Variants in RIN3 observed in about 807,000 individuals in gnomAD.
The protein encoded by RIN3 is Ras and Rab interactor 3, also known as RAB5 interacting protein 3.
RIN3 carries 54 observed loss-of-function variants against 76.3 expected under a neutral mutation model. The ratio of observed to expected loss-of-function variants is 0.71; its 90% CI spans 0.57 to 0.89. The LOEUF (loss-of-function observed/expected upper bound fraction) is 0.89, where lower values mean the gene tolerates loss of function less well. Among genes scored for constraint, RIN3 ranks in the 40% least tolerant of loss-of-function variants. RIN3 has a pLI of 0.00. For missense variants in RIN3, 1,256 were observed against 1,322.1 expected (o/e 0.95, Z 0.78); for synonymous variants, 576 against 564.0 (o/e 1.02, Z -0.30).
chr14:92,654,004 C>T (rs947675700), intron 6 of RIN3, among the ~76,000 whole-genome samples: 11 of 151,766 alleles, frequency 7.2e-5, no homozygotes, highest in African/African-American at 1.7e-4. Flanking sequence ...GGTGACAGAG[C>T]GAAACCCTGT....
In RIN3 at chr14:92,555,951, C is replaced by T. The variant is rs767185924; in HGVS notation, c.245C>T (p.Ala82Val). Residue 82 changes from alanine to valine, a missense_variant, in exon 2 of 10, where the codon GCT (alanine) becomes GTT (valine). Coordinates refer to ENST00000216487, the MANE Select transcript of RIN3 (RefSeq NM_024832.5). ...GCCAGGATCCTGCACCGGGTGGTGGCTGGGGTGAGTGGGGGCGTCTCCCAC... is the reference window on the plus strand; with the variant it reads ...GCCAGGATCCTGCACCGGGTGGTGGTTGGGGTGAGTGGGGGCGTCTCCCAC... ...EVARILHRVV[A>V]GMFLVRRDSS... The T allele has an allele frequency of 6.2e-7, 1 of 1,611,500 alleles. No individual in the cohort carries two copies. Among genetic ancestry groups the T allele is most frequent in the South Asian group, 1.1e-5 (1 of 91,008 alleles).
intron 3 of RIN3, among the ~76,000 whole-genome samples, chr14:92,602,829 A>C (rs1377994282): frequency 6.6e-6 from 1 of 152,028 alleles, no homozygotes; most frequent in Non-Finnish European, 1.5e-5. Flanking sequence ...TCTCAAGCTG[A>C]TGATGTGCCA....
intron 1 of RIN3, among the ~76,000 whole-genome samples, chr14:92,536,473 G>A (rs1897001698): frequency 6.6e-6 from 1 of 152,180 alleles, no homozygotes; most frequent in East Asian, 1.9e-4. Flanking sequence ...GCCGGGAGCA[G>A]TGACTCACAT....
intron 3 of RIN3, among the ~76,000 whole-genome samples, chr14:92,579,023 G>C (rs145784317): frequency 0.01 from 1,545 of 152,098 alleles, 37 homozygotes; most frequent in African/African-American, 0.034. Flanking sequence ...CGCCTCCCGG[G>C]TTCAAGCGAT....
At chr14:92,660,829 A>T (rs58006834) in intron 7 of RIN3, among the ~76,000 whole-genome samples, 49,893 of 152,180 alleles carry the variant, frequency 0.33, 8,776 homozygotes, top group Non-Finnish European at 0.37. Flanking sequence ...AAGAACAGGC[A>T]TCACTGCACG....
In RIN3 at chr14:92,672,312, T is replaced by C. The variant is rs577211258; in HGVS notation, c.2336-4163T>C. Among the ~76,000 whole-genome samples, 5 of 151,976 alleles carry C rather than the reference T, an allele frequency of 3.3e-5. No individual in the cohort carries two copies. The South Asian group carries it at 1.0e-3, about 32-fold the overall frequency. On this transcript the variant is annotated intron_variant, in intron 7 of 9. Transcript: ENST00000216487. ...CTATAATGCCAGCTACTCAGGAGGC[T>C]GAGACAGGAGAATCGCCTGAACCTG...
intron 4 of RIN3, among the ~76,000 whole-genome samples, chr14:92,637,327 A>C (rs1886811761): frequency 6.6e-6 from 1 of 151,980 alleles, no homozygotes; most frequent in South Asian, 2.1e-4. Flanking sequence ...CACATAGTTC[A>C]CAGCAGGGTT....
intron 4 of RIN3, among the ~76,000 whole-genome samples, chr14:92,621,674 T>A (rs988929405): frequency 1.3e-5 from 2 of 152,240 alleles, no homozygotes; most frequent in Non-Finnish European, 2.9e-5. Context: ...AAAACCAAGG[T>A]TCTTTTGAAG....
At chr14:92,594,365 GA>G (rs141407398) in intron 3 of RIN3, among the ~76,000 whole-genome samples, 10,449 of 150,950 alleles carry the variant, frequency 0.069, 462 homozygotes, top group South Asian at 0.17. Context: ...CTGGGAGGCA[GA>G]GGTTGCAGTG....
intron 8 of RIN3, among the ~76,000 whole-genome samples, chr14:92,682,921 T>C (rs1244542139): frequency 6.6e-6 from 1 of 152,150 alleles, no homozygotes. Flanking sequence ...ATCCCAGCTC[T>C]TTGGGAGGCC....
Position 92,643,860 on chromosome 14 carries a change from G to A in RIN3, c.532+2531G>A, listed in dbSNP as rs1192919959. On this transcript the variant is annotated intron_variant, in intron 5 of 9. Coordinates refer to ENST00000216487, the MANE Select transcript of RIN3 (RefSeq NM_024832.5). This position sits in a 1 kb window ranked among gnomAD's most constrained non-coding sequence, Gnocchi z 4.8. Reference sequence around the variant, plus strand: ...GGAGAATTGCTTGAACCTGGGAGGCGGAGATTGCAGTGAGCTGAGATTGCC... The same window carrying A: ...GGAGAATTGCTTGAACCTGGGAGGCAGAGATTGCAGTGAGCTGAGATTGCC... Among the ~76,000 whole-genome samples, 9 of 152,080 alleles carry A rather than the reference G, an allele frequency of 5.9e-5. No individual in the cohort carries two copies. The highest frequency in any genetic ancestry group is 7.2e-5 in the African/African-American group (3 of 41,402).
At chr14:92,653,129 C>CT in intron 6 of RIN3, 54 bp downstream of exon 6, 1 of 1,526,290 alleles carries the variant, frequency 6.6e-7, no homozygotes, top group African/African-American at 1.4e-5. Flanking sequence ...GGCTCACAGA[C>CT]TCAGGAACCC....
intron 2 of RIN3, among the ~76,000 whole-genome samples, chr14:92,557,867 A>T (rs2140037368): frequency 6.6e-6 from 1 of 152,244 alleles, no homozygotes; most frequent in African/African-American, 2.4e-5. Flanking sequence ...CAAGGGGAAA[A>T]TTTTTGATGC....
At chr14:92,535,536 C>T (rs557777987) in intron 1 of RIN3, among the ~76,000 whole-genome samples, 7 of 151,948 alleles carry the variant, frequency 4.6e-5, no homozygotes, top group South Asian at 2.1e-4. Flanking sequence ...TGGGTGTGTG[C>T]GTGCACGCAC....
intron 3 of RIN3, among the ~76,000 whole-genome samples, chr14:92,602,936 G>C (rs937547459): frequency 3.3e-5 from 5 of 152,178 alleles, no homozygotes; most frequent in Admixed American, 6.5e-5. Context: ...CCCTGTCCAG[G>C]GCTGCAACCT....
At chr14:92,677,562 C>T (rs1045879045) in intron 8 of RIN3, among the ~76,000 whole-genome samples, 1 of 152,090 alleles carries the variant, frequency 6.6e-6, no homozygotes, top group Non-Finnish European at 1.5e-5. Context: ...AAAGCCATGA[C>T]GTTTGCTGTC....
intron 1 of RIN3, among the ~76,000 whole-genome samples, chr14:92,547,072 TTTATATTATA>T (rs1172250552): frequency 8.8e-6 from 1 of 114,022 alleles, no homozygotes; most frequent in East Asian, 2.1e-4. Context: ...TATATTTTAT[TTTATATTATA>T]TTATATTATA....
At chr14:92,557,075 C>T (rs775147866) in intron 2 of RIN3, among the ~76,000 whole-genome samples, 5 of 152,226 alleles carry the variant, frequency 3.3e-5, no homozygotes, top group African/African-American at 9.6e-5. Flanking sequence ...TCCGAAGTCA[C>T]GTTGCATGCG....
intron 2 of RIN3, chr14:92,577,149 A>G: frequency 2.2e-6 from 1 of 457,596 alleles, no homozygotes; most frequent in Non-Finnish European, 4.0e-6. Context: ...GCAAATGAGA[A>G]ACTGAGCATG....
Sources: allele counts gnomAD v4.1 joint callset (sites outside exome capture counted in the v4.1 genomes callset), GRCh38; gene constraint gnomAD v4.1.1; non-coding constraint Gnocchi (gnomAD v3.1); transcripts MANE v1.5; gene names NCBI Gene and HGNC (gene_info 2026-07-23, HGNC 2026-07-21).